The following GOLGA4 variants were observed in gnomAD, a reference collection of about 807,000 sequenced individuals.
GOLGA4 encodes golgin A4.
In GOLGA4, 169 loss-of-function variants were observed where a neutral mutation model predicts 265.9. The ratio of observed to expected loss-of-function variants is 0.64; its 90% CI spans 0.56 to 0.72. The LOEUF (loss-of-function observed/expected upper bound fraction) is 0.72. GOLGA4 is among the 30% of genes least tolerant of loss of function. The pLI, the probability that GOLGA4 is intolerant of heterozygous loss-of-function variation, is 0.00. For missense variants in GOLGA4, 2,482 were observed against 2,483.4 expected, an observed-to-expected ratio of 1.00 and a Z score of 0.01; for synonymous variants, 923 against 855.8, an observed-to-expected ratio of 1.08 and a Z score of -1.37.
intron 21 of GOLGA4, among the ~76,000 whole-genome samples, chr3:37,354,685 A>G (rs1322369620): frequency 6.6e-6 from 1 of 152,096 alleles, no homozygotes. Context: ...TTTATGAGAT[A>G]TATGATGTGA....
chr3:37,258,128 ATG>A (rs1352632869), intron 2 of GOLGA4, among the ~76,000 whole-genome samples: 18 of 140,014 alleles, frequency 1.3e-4, no homozygotes, highest in African/African-American at 4.5e-4. Flanking sequence ...GTATATATAT[ATG>A]CTCTGTATAT....
At chr3:37,314,524 C>T (rs1321928285) in intron 10 of GOLGA4, among the ~76,000 whole-genome samples, 1 of 151,868 alleles carries the variant, frequency 6.6e-6, no homozygotes, top group African/African-American at 2.4e-5. Context: ...GCCTGTGGTC[C>T]CAGCTACTTG....
intron 2 of GOLGA4, among the ~76,000 whole-genome samples, chr3:37,255,154 CATTATT>C (rs201094032): frequency 1.3e-5 from 2 of 151,042 alleles, no homozygotes; most frequent in African/African-American, 2.4e-5. Flanking sequence ...TTGTTGTCAT[CATTATT>C]ATTATTATTA....
rs2150696232 is a variant in GOLGA4, at chr3:37,266,870, C to A, written c.163-15088C>A. 3.1e-6 allele frequency: 4 copies of A among 1,287,620 alleles called. No individual in the cohort carries two copies. In the African/African-American group the frequency reaches 6.1e-5, roughly 20 times the overall value. 79.8% of individuals were successfully genotyped at this position (1,287,620 alleles called of 1,614,324 possible). A position where few individuals can be genotyped will look rare whatever the true frequency, so the allele number is the denominator to read the frequency against. The stretch of plus-strand genomic sequence containing the variant: ...CTAGCCGGGATGATAGCAGAGCCTG[C>A]TTTTCTCTCTGAGTATACTATCTTT... On this transcript the variant is annotated intron_variant, in intron 2 of 23. Transcript: ENST00000361924.
At chr3:37,355,737 T>G (rs981289027) in intron 22 of GOLGA4, among the ~76,000 whole-genome samples, 2 of 152,112 alleles carry the variant, frequency 1.3e-5, no homozygotes, top group South Asian at 2.1e-4. Flanking sequence ...CTTTGTAAAT[T>G]ATAAAAAATT....
At chr3:37,340,349 A>G in intron 20 of GOLGA4, 150 bp downstream of exon 20, 1 of 465,054 alleles carries the variant, frequency 2.2e-6, no homozygotes. Flanking sequence ...AAATGCATAT[A>G]TGTATAGTGT....
chr3:37,280,172 T>G (rs2096831003), intron 2 of GOLGA4, among the ~76,000 whole-genome samples: 1 of 152,206 alleles, frequency 6.6e-6, no homozygotes, highest in African/African-American at 2.4e-5. Context: ...ACATTTTGTT[T>G]TACTGTATTA....
intron 5 of GOLGA4, among the ~76,000 whole-genome samples, chr3:37,290,201 T>C (rs1438184645): frequency 2.0e-5 from 3 of 152,128 alleles, no homozygotes; most frequent in Non-Finnish European, 2.9e-5. Context: ...AGTATAATTG[T>C]GGGAGGAGGC....
At chr3:37,294,190 T>C (rs2096872202) in intron 5 of GOLGA4, among the ~76,000 whole-genome samples, 1 of 152,154 alleles carries the variant, frequency 6.6e-6, no homozygotes, top group African/African-American at 2.4e-5. Context: ...GCATTTTAAC[T>C]AATTGCAGGA....
At chr3:37,344,463 T>C (rs951205566) in intron 20 of GOLGA4, among the ~76,000 whole-genome samples, 1 of 151,944 alleles carries the variant, frequency 6.6e-6, no homozygotes, top group Non-Finnish European at 1.5e-5. Flanking sequence ...TTGATCCGTT[T>C]GTCTATGCCT....
chr3:37,316,739 G>T (rs924032155), intron 11 of GOLGA4, among the ~76,000 whole-genome samples: 2 of 151,890 alleles, frequency 1.3e-5, no homozygotes, highest in African/African-American at 2.4e-5. Context: ...AAGAAAAGTG[G>T]TATTTTCCTT....
intron 19 of GOLGA4, among the ~76,000 whole-genome samples, chr3:37,339,021 C>A (rs2097023988): frequency 6.6e-6 from 1 of 151,972 alleles, no homozygotes. Flanking sequence ...GCCACCACGC[C>A]CGGCTAATTT....
rs202009430 is a variant in GOLGA4, at chr3:37,337,169, G to C, written c.6327+6G>C. ...TAACAATTATGGAGCTACAGGTAAG[G>C]CTAGTTCTTCTTTTTTTTTTTTTCT... On this transcript the variant is annotated splice_donor_region_variant and intron_variant, in intron 18 of 23. Transcript: ENST00000361924. The C allele has an allele frequency of 7.7e-6, 11 of 1,420,172 alleles. No individual in the cohort carries two copies. Among genetic ancestry groups the C allele is most frequent in the African/African-American group, 4.3e-5 (3 of 69,672 alleles). 88.0% of individuals were successfully genotyped at this position (1,420,172 alleles called of 1,614,324 possible).
At chr3:37,320,484 A>C (rs553208564) in intron 12 of GOLGA4, 1 of 152,142 alleles carries the variant, frequency 6.6e-6, no homozygotes, top group South Asian at 2.1e-4. Context: ...CAAGTTCTCT[A>C]CCCAGCTCTG....
At chr3:37,310,487 TATGTATTTG>T (rs1441661966) in intron 10 of GOLGA4, among the ~76,000 whole-genome samples, 1 of 152,206 alleles carries the variant, frequency 6.6e-6, no homozygotes, top group Non-Finnish European at 1.5e-5. Flanking sequence ...AGCTGCTAAG[TATGTATTTG>T]ATGACTGAAT....
At chr3:37,366,052 T>G (rs768551407) in intron 23 of GOLGA4, 28 bp from the exon 24 acceptor site, 1 of 1,522,018 alleles carries the variant, frequency 6.6e-7, no homozygotes, top group South Asian at 1.2e-5. Flanking sequence ...CCCCCTTTCT[T>G]TATTCTCTTT....
At chr3:37,353,192 A>G (rs1195271060) in intron 21 of GOLGA4, among the ~76,000 whole-genome samples, 2 of 152,060 alleles carry the variant, frequency 1.3e-5, no homozygotes, top group African/African-American at 4.8e-5. Flanking sequence ...AGAGTACAGT[A>G]ACAGATATTA....
intron 18 of GOLGA4, 54 bp from the exon 19 acceptor site, chr3:37,337,608 GTGTC>G: frequency 8.7e-7 from 1 of 1,148,692 alleles, no homozygotes; most frequent in South Asian, 1.2e-5. Context: ...GTGCAGAAAT[GTGTC>G]TGGGCAATAA....
At chr3:37,359,568 A>G (rs1214024597) in intron 22 of GOLGA4, among the ~76,000 whole-genome samples, 1 of 151,912 alleles carries the variant, frequency 6.6e-6, no homozygotes, top group Non-Finnish European at 1.5e-5. Context: ...TTCTCTGTCC[A>G]TTCTAGTCAT....
Sources: allele counts gnomAD v4.1 joint callset (sites outside exome capture counted in the v4.1 genomes callset), GRCh38; gene constraint gnomAD v4.1.1; transcripts MANE v1.5; gene names NCBI Gene and HGNC (gene_info 2026-07-23, HGNC 2026-07-21).